Variants in GYPC observed in about 807,000 individuals in gnomAD.
The protein encoded by GYPC is glycophorin C (Gerbich blood group).
A neutral mutation model predicts 12.6 loss-of-function variants in GYPC; 14 were observed. The observed-to-expected ratio is 1.11, with a 90% confidence interval of 0.74 to 1.74. GYPC has a LOEUF of 1.74. Ranked by LOEUF, GYPC falls within the 40% of genes most tolerant of loss-of-function variation. The probability of loss-of-function intolerance (pLI) is 0.00; values close to 1 mark genes in which losing one functional copy is unlikely to be tolerated. For missense variants in GYPC, 225 were observed against 172.1 expected, an observed-to-expected ratio of 1.31 and a Z score of -1.72; for synonymous variants, 78 against 62.1, an observed-to-expected ratio of 1.26 and a Z score of -1.20.
intron 1 of GYPC, among the ~76,000 whole-genome samples, chr2:126,678,013 A>AG (rs1385965632): frequency 3.3e-5 from 5 of 152,192 alleles, no homozygotes; most frequent in African/African-American, 1.2e-4. Context: ...CGAGGTCAGG[A>AG]GATCAAGACC....
At chr2:126,676,916 C>T (rs947110172) in intron 1 of GYPC, among the ~76,000 whole-genome samples, 1 of 152,112 alleles carries the variant, frequency 6.6e-6, no homozygotes, top group Non-Finnish European at 1.5e-5. Flanking sequence ...TCTTTCCTGC[C>T]CTGATACCCA....
chr2:126,686,326 C>G (rs1035878401), intron 1 of GYPC: 192 of 985,630 alleles, frequency 1.9e-4, no homozygotes, highest in East Asian at 1.5e-3. Context: ...GCAGAGAGCA[C>G]TGCCCGCACT....
At chr2:126,657,112 C>A (rs796282071) in intron 1 of GYPC, among the ~76,000 whole-genome samples, 13 of 152,310 alleles carry the variant, frequency 8.5e-5, no homozygotes, top group African/African-American at 1.2e-4. Flanking sequence ...GACAATGATA[C>A]CTTATTGATA....
intron 1 of GYPC, among the ~76,000 whole-genome samples, chr2:126,670,040 C>T (rs1682800623): frequency 6.6e-6 from 1 of 152,220 alleles, no homozygotes; most frequent in South Asian, 2.1e-4. Flanking sequence ...CACTGCCCTG[C>T]CTCCTGCCCT....
chr2:126,685,835 C>CCG lies in GYPC; in HGVS notation c.50-4419_50-4418insGC. On this transcript the variant is annotated intron_variant, in intron 1 of 3. Transcript: ENST00000259254. ...CAAGGTTTGTCATTGCAGGAAGTCTCCAAGGACCCCCATGAAACACCTGCA... is the reference window on the plus strand; with the variant it reads ...CAAGGTTTGTCATTGCAGGAAGTCTCCGCAAGGACCCCCATGAAACACCTGCA... The CCG allele has an allele frequency of 4.1e-6, 4 of 985,118 alleles. No individual in the cohort carries two copies. The South Asian group carries it at 1.4e-4, about 35-fold the overall frequency. The allele number at this position is 985,118 out of a possible 1,614,324, so 61.0% of individuals were successfully genotyped here.
At chr2:126,665,087 C>G (rs1236961521) in intron 1 of GYPC, among the ~76,000 whole-genome samples, 1 of 152,166 alleles carries the variant, frequency 6.6e-6, no homozygotes, top group East Asian at 1.9e-4. Flanking sequence ...TGTCTTTGCC[C>G]TATTTCATTA....
At position 126,696,028 on chromosome 2, in the gene GYPC, C is replaced by T. The variant is rs373784013; in HGVS notation, c.273C>T (p.Tyr91=). ...ACATGTACCGGCACAAGGGCACGTA[C>T]CACACCAATGAGGCCAAGGGCACGG... The part of the protein sequence containing the change: ...LRYMYRHKGT[Y]HTNEAKGTEF... The change falls in exon 4 of 4, where the codon TAC becomes TAT. Residue 91 remains tyrosine (Y), a synonymous_variant. Transcript: ENST00000259254. 18 of 1,613,962 alleles carry T rather than the reference C, an allele frequency of 1.1e-5. No individual in the cohort carries two copies. Among genetic ancestry groups the T allele is most frequent in the African/African-American group, 1.1e-4 (8 of 74,918 alleles).
chr2:126,664,761 G>T (rs1368344945), intron 1 of GYPC, among the ~76,000 whole-genome samples: 2 of 152,216 alleles, frequency 1.3e-5, no homozygotes, highest in African/African-American at 4.8e-5. Flanking sequence ...GCCTGAATCT[G>T]CCCCTTGCTC....
intron 1 of GYPC, among the ~76,000 whole-genome samples, chr2:126,681,596 C>T (rs1360178029): frequency 1.3e-5 from 2 of 151,950 alleles, no homozygotes; most frequent in Non-Finnish European, 2.9e-5. Flanking sequence ...GACATATCGA[C>T]GATGAGAATA....
chr2:126,664,812 C>T (rs2104773300), intron 1 of GYPC, among the ~76,000 whole-genome samples: 1 of 152,296 alleles, frequency 6.6e-6, no homozygotes, highest in African/African-American at 2.4e-5. Flanking sequence ...GTCCTGGTTC[C>T]TTAGCAGTTC....
chr2:126,687,261 T>G (rs1271340996), intron 1 of GYPC, among the ~76,000 whole-genome samples: 1 of 152,220 alleles, frequency 6.6e-6, no homozygotes, highest in Non-Finnish European at 1.5e-5. Context: ...GGACTAATCC[T>G]GATGTCACCG....
chr2:126,686,717 T>G (rs1683301668), intron 1 of GYPC: 1 of 985,004 alleles, frequency 1.0e-6, no homozygotes, highest in African/African-American at 1.7e-5. Context: ...AGTAGGATGC[T>G]TGGGTCTTTC....
chr2:126,671,545 G>A (rs1407439591), intron 1 of GYPC, among the ~76,000 whole-genome samples: 3 of 152,174 alleles, frequency 2.0e-5, no homozygotes, highest in Non-Finnish European at 2.9e-5. Flanking sequence ...ATGGAGCCTC[G>A]GGGGTCAATG....
intron 1 of GYPC, among the ~76,000 whole-genome samples, chr2:126,677,564 T>C (rs966870666): frequency 4.6e-5 from 7 of 151,108 alleles, no homozygotes; most frequent in Non-Finnish European, 1.0e-4. Context: ...TGTATGTGAG[T>C]GTATGTGTGT....
At chr2:126,687,455 T>C (rs569208975) in intron 1 of GYPC, among the ~76,000 whole-genome samples, 1 of 152,340 alleles carries the variant, frequency 6.6e-6, no homozygotes, top group East Asian at 1.9e-4. Flanking sequence ...GCTTTGAGAA[T>C]TGCTGTCTCA....
At chr2:126,656,865 C>T (rs1479676551) in intron 1 of GYPC, among the ~76,000 whole-genome samples, 2 of 152,222 alleles carry the variant, frequency 1.3e-5, no homozygotes, top group African/African-American at 2.4e-5. Context: ...CTGGTTTTCT[C>T]TTTTAAACCA....
In GYPC at chr2:126,690,200, G is replaced by A. The variant is rs952022313; in HGVS notation, c.50-55G>A. ...AGGATGCAGCTTGGGCCAAGGTGCT[G>A]CTAGGCATGGAGAGTCTTCCTCTCT... On this transcript the variant is annotated intron_variant, in intron 1 of 3. Coordinates refer to ENST00000259254, the MANE Select transcript of GYPC (RefSeq NM_002101.5). 1.2e-5 allele frequency: 16 copies of A among 1,321,080 alleles called. 1 individual carries two copies. The highest frequency in any genetic ancestry group is 5.9e-5 in the South Asian group (5 of 85,292). The allele number at this position is 1,321,080 out of a possible 1,614,324, so 81.8% of individuals were successfully genotyped here. A position where few individuals can be genotyped will look rare whatever the true frequency, so the allele number is the denominator to read the frequency against.
chr2:126,670,154 CCTT>C lies in GYPC; in HGVS notation c.49+13845_49+13847del, dbSNP rs144301051. ...CTCTCTGCTCCAGTTCATGATGTCT[CCTT>C]CTGAGACCGCAGCTCCCACTCAGGG... On this transcript the variant is annotated intron_variant, in intron 1 of 3. Transcript: ENST00000259254. 5.3e-3 allele frequency among the ~76,000 whole-genome samples: 809 copies of C among 152,350 alleles called. 6 individuals carry two copies. The highest frequency in any genetic ancestry group is 0.019 in the African/African-American group (783 of 41,574).
intron 1 of GYPC, among the ~76,000 whole-genome samples, chr2:126,666,060 C>A (rs1009740040): frequency 2.0e-5 from 3 of 152,188 alleles, no homozygotes; most frequent in Non-Finnish European, 4.4e-5. Context: ...TTGTTCCCCC[C>A]ACACCCGGAA....
Sources: gnomAD v4.1 joint callset for allele counts (sites outside exome capture counted in the v4.1 genomes callset) on GRCh38, gnomAD v4.1.1 for gene constraint, MANE v1.5 for transcripts, NCBI Gene and HGNC (gene_info 2026-07-23, HGNC 2026-07-21) for gene names.